Variants in SORBS2 observed in about 807,000 individuals in gnomAD.
The protein encoded by SORBS2 is sorbin and SH3 domain containing 2.
SORBS2 carries 46 observed loss-of-function variants against 97.7 expected under a neutral mutation model. The ratio of observed to expected loss-of-function variants is 0.47; its 90% CI spans 0.37 to 0.60. The LOEUF is 0.60. Ranked by LOEUF, SORBS2 falls within the 20% of genes least tolerant of loss-of-function variation. The probability of loss-of-function intolerance (pLI) is 0.00; values close to 1 mark genes in which losing one functional copy is unlikely to be tolerated. For synonymous variants in SORBS2, 476 were observed against 473.4 expected, an observed-to-expected ratio of 1.01 and a Z score of -0.07; for missense variants, 1,316 against 1,282.3, an observed-to-expected ratio of 1.03 and a Z score of -0.40.
At chr4:185,829,469 A>G (rs1401224862) in intron 1 of SORBS2, among the ~76,000 whole-genome samples, 1 of 152,180 alleles carries the variant, frequency 6.6e-6, no homozygotes, top group Non-Finnish European at 1.5e-5. Flanking sequence ...ACACAAAGTG[A>G]ACAGAAATAT....
Position 185,754,425 on chromosome 4 carries a change from C to A in SORBS2, c.-198+20802G>T, listed in dbSNP as rs2098818974. On this transcript the variant is annotated intron_variant, in intron 2 of 20. Coordinates refer to the SORBS2 transcript ENST00000284776. ...CACAGTAACCCCCGTAACATGCTATCAATCTATCTATATAACAAACCTGCA... is the reference window on the plus strand; with the variant it reads ...CACAGTAACCCCCGTAACATGCTATAAATCTATCTATATAACAAACCTGCA... Among the ~76,000 whole-genome samples, 4 of 152,122 alleles carry A rather than the reference C, an allele frequency of 2.6e-5. No individual in the cohort carries two copies. In the South Asian group the frequency reaches 8.3e-4, roughly 32 times the overall value.
chr4:185,684,885 C>G lies in SORBS2; in HGVS notation c.-197-6063G>C, dbSNP rs748233922. ...AATGATATAGCAGAGGCCAAGGCAACGGGAAAAGCACGTGCAATATCATGC... is the reference window on the plus strand; with the variant it reads ...AATGATATAGCAGAGGCCAAGGCAAGGGGAAAAGCACGTGCAATATCATGC... On this transcript the variant is annotated intron_variant, in intron 2 of 20. Transcript: ENST00000284776. The surrounding 1 kb of genome is among the most constrained non-coding windows in gnomAD (Gnocchi z 4.2). The G allele has an allele frequency of 2.7e-6, 4 of 1,469,496 alleles. No homozygotes were observed. The highest frequency in any genetic ancestry group is 3.7e-6 in the Non-Finnish European group (4 of 1,073,044). 91.0% of individuals were successfully genotyped at this position (1,469,496 alleles called of 1,614,324 possible).
At chr4:185,940,272 G>A (rs1023644803) in intron 1 of SORBS2, among the ~76,000 whole-genome samples, 11 of 152,150 alleles carry the variant, frequency 7.2e-5, no homozygotes, top group Non-Finnish European at 1.6e-4. Flanking sequence ...ATGGTCAACA[G>A]CCCAGTTACC....
chr4:185,739,012 A>G (rs1032462110), intron 2 of SORBS2, among the ~76,000 whole-genome samples: 1 of 152,230 alleles, frequency 6.6e-6, no homozygotes, highest in African/African-American at 2.4e-5. Context: ...GGATTCAAGA[A>G]CTCTAGCATC....
chr4:185,689,970 G>T (rs2098060627), intron 2 of SORBS2, among the ~76,000 whole-genome samples: 3 of 152,108 alleles, frequency 2.0e-5, no homozygotes, highest in Admixed American at 2.0e-4. Context: ...GTGGAAAAAA[G>T]TTCATATGTA....
At chr4:185,935,958 T>C (rs530431553) in intron 1 of SORBS2, among the ~76,000 whole-genome samples, 1 of 152,322 alleles carries the variant, frequency 6.6e-6, no homozygotes, top group South Asian at 2.1e-4. Flanking sequence ...CTCAAGTGAT[T>C]CTCCTGCCTC....
intron 1 of SORBS2, among the ~76,000 whole-genome samples, chr4:185,948,564 C>G (rs905985708): frequency 1.6e-5 from 2 of 127,776 alleles, no homozygotes; most frequent in Admixed American, 2.0e-4. Context: ...ATTGCCCAGG[C>G]TGGAGTGCAG....
chr4:185,657,211 T>C (rs1311100970), upstream of SORBS2: 6 of 436,296 alleles, frequency 1.4e-5, no homozygotes, highest in Non-Finnish European at 2.3e-5. Context: ...GTTCATGATG[T>C]TTCATTCAAA....
intron 1 of SORBS2, among the ~76,000 whole-genome samples, chr4:185,857,001 C>A (rs1561239520): frequency 6.6e-6 from 1 of 152,102 alleles, no homozygotes; most frequent in Non-Finnish European, 1.5e-5. Flanking sequence ...CAAGTCCCTT[C>A]CTCAACACAT....
At position 185,629,102 on chromosome 4, in the gene SORBS2, G is replaced by A. The variant is rs150249879; in HGVS notation, c.446+1447C>T. ...ACAGCAAACCGATGAGGTATATGCT[G>A]TTATCTCAGTTTTACAAATGGTAAA... On this transcript the variant is annotated intron_variant, in intron 5 of 14. Transcript: ENST00000418609. 1.7e-3 allele frequency among the ~76,000 whole-genome samples: 256 copies of A among 152,272 alleles called. 3 individuals are homozygous for A. The highest frequency in any genetic ancestry group is 5.6e-3 in the African/African-American group (232 of 41,568).
exon 10 of SORBS2, chr4:185,615,081 G>T: frequency 6.2e-7 from 1 of 1,613,848 alleles, no homozygotes; most frequent in African/African-American, 1.3e-5. Context: ...CCACTCTCCC[G>T]TGGTGTTCTC....
intron 12 of SORBS2, among the ~76,000 whole-genome samples, chr4:185,597,913 G>A (rs1178761013): frequency 2.0e-5 from 3 of 152,214 alleles, no homozygotes; most frequent in Non-Finnish European, 4.4e-5. Context: ...GGAATAGACA[G>A]TCATCTGTTT....
At chr4:185,771,793 CAT>C (rs1260066857) in intron 2 of SORBS2, 1 of 152,162 alleles carries the variant, frequency 6.6e-6, no homozygotes, top group African/African-American at 2.4e-5. Flanking sequence ...AAATTCTTCA[CAT>C]GAGTTTAGAA....
rs77469389 is a variant in SORBS2 at position 185,589,578 on chromosome 4, G to A, written c.2953+101C>T. 1.7e-3 allele frequency: 1,272 copies of A among 736,932 alleles called. 5 individuals carry two copies. In the African/African-American group the frequency reaches 0.019, roughly 11 times the overall value. 45.6% of individuals were successfully genotyped at this position (736,932 alleles called of 1,614,324 possible). On this transcript the variant is annotated intron_variant, in intron 14 of 14. Coordinates refer to ENST00000418609, the Ensembl canonical transcript of SORBS2. ...ATGTCTGAAAGATCAAAGGCATTAC[G>A]AATTCAAAGGAAGCTCGGCCATCAC...
intron 2 of SORBS2, among the ~76,000 whole-genome samples, chr4:185,723,474 G>A (rs924400373): frequency 1.3e-5 from 2 of 152,202 alleles, no homozygotes; most frequent in Admixed American, 6.5e-5. Flanking sequence ...ATAATTCAGA[G>A]GCTCTAAGGG....
At chr4:185,685,926 G>C (rs2153511686) in intron 2 of SORBS2, among the ~76,000 whole-genome samples, 1 of 152,234 alleles carries the variant, frequency 6.6e-6, no homozygotes, top group Middle Eastern at 3.4e-3. Flanking sequence ...ATTTTAATGT[G>C]CTATGAGAAG....
intron 2 of SORBS2, among the ~76,000 whole-genome samples, chr4:185,718,773 T>A (rs1178659309): frequency 6.6e-6 from 1 of 152,196 alleles, no homozygotes; most frequent in African/African-American, 2.4e-5. Context: ...CATTCCACCT[T>A]TGTGGACTTC....
chr4:185,663,554 A>T (rs2097550818), intron 4 of SORBS2, among the ~76,000 whole-genome samples: 1 of 152,232 alleles, frequency 6.6e-6, no homozygotes, highest in African/African-American at 2.4e-5. Context: ...ACGTTCAAAT[A>T]ACTGTGAGGC....
chr4:185,871,146 C>G (rs1374410923), intron 1 of SORBS2, among the ~76,000 whole-genome samples: 1 of 152,180 alleles, frequency 6.6e-6, no homozygotes, highest in Non-Finnish European at 1.5e-5. Context: ...AAATAGTGTA[C>G]ATGTCAGGCA....
Sources: gnomAD v4.1 joint callset for allele counts (sites outside exome capture counted in the v4.1 genomes callset) on GRCh38, gnomAD v4.1.1 for gene constraint, Gnocchi (gnomAD v3.1) non-coding constraint, MANE v1.5 for transcripts, NCBI Gene and HGNC (gene_info 2026-07-23, HGNC 2026-07-21) for gene names.